The following NCALD variants were observed in gnomAD, a reference collection of about 807,000 sequenced individuals.
The protein encoded by NCALD is neurocalcin delta.
A neutral mutation model predicts 18.6 loss-of-function variants in NCALD; 10 were observed. That is an observed-to-expected ratio of 0.54 (90% CI 0.33 to 0.91). The LOEUF (loss-of-function observed/expected upper bound fraction) is 0.91, where lower values mean the gene tolerates loss of function less well. Among genes scored for constraint, NCALD ranks in the 40% least tolerant of loss-of-function variants. The probability of loss-of-function intolerance (pLI) is 0.03; values close to 1 mark genes in which losing one functional copy is unlikely to be tolerated. For missense variants in NCALD, 184 were observed against 247.6 expected, an observed-to-expected ratio of 0.74 and a Z score of 1.72; for synonymous variants, 88 against 87.4, an observed-to-expected ratio of 1.01 and a Z score of -0.04.
At chr8:101,957,196 C>A (rs1173969975) in intron 2 of NCALD, among the ~76,000 whole-genome samples, 1 of 148,662 alleles carries the variant, frequency 6.7e-6, no homozygotes, top group East Asian at 2.0e-4. Flanking sequence ...TATAAACATT[C>A]TATTTAGAGT....
intron 1 of NCALD, among the ~76,000 whole-genome samples, chr8:102,031,271 A>C (rs1417583113): frequency 6.6e-6 from 1 of 152,226 alleles, no homozygotes; most frequent in African/African-American, 2.4e-5. Flanking sequence ...GATAAACGAT[A>C]AGGAAAAATA....
At chr8:102,105,676 G>A (rs753950144) in intron 1 of NCALD, among the ~76,000 whole-genome samples, 2 of 152,122 alleles carry the variant, frequency 1.3e-5, no homozygotes, top group African/African-American at 4.8e-5. Context: ...CTCCATTCCC[G>A]ATTTTCCAGT....
At chr8:101,799,994 A>G (rs891749835) in intron 4 of NCALD, among the ~76,000 whole-genome samples, 1 of 152,208 alleles carries the variant, frequency 6.6e-6, no homozygotes, top group African/African-American at 2.4e-5. Flanking sequence ...TTATTTCAAG[A>G]TAAAAGTTTA....
chr8:101,716,166 G>T (rs566087696), intron 2 of NCALD, among the ~76,000 whole-genome samples: 1 of 152,144 alleles, frequency 6.6e-6, no homozygotes, highest in Non-Finnish European at 1.5e-5. Context: ...CATGTCCTTT[G>T]CTGGGACATG....
At chr8:101,976,521 A>G (rs577781830) in intron 2 of NCALD, among the ~76,000 whole-genome samples, 1 of 152,358 alleles carries the variant, frequency 6.6e-6, no homozygotes, top group South Asian at 2.1e-4. Flanking sequence ...TATCCAGGCT[A>G]GTTGTAGCAT....
chr8:102,082,219 GCTCT>G (rs1409597397), intron 1 of NCALD, among the ~76,000 whole-genome samples: 4 of 132,176 alleles, frequency 3.0e-5, no homozygotes, highest in African/African-American at 6.2e-5. Context: ...TATTTGAGAA[GCTCT>G]CTCTTTTTTT....
chr8:102,101,240 A>G (rs1178831426), intron 1 of NCALD, among the ~76,000 whole-genome samples: 1 of 152,250 alleles, frequency 6.6e-6, no homozygotes, highest in Non-Finnish European at 1.5e-5. Context: ...GCTGTCAGGC[A>G]GGAACTGGAC....
intron 2 of NCALD, among the ~76,000 whole-genome samples, chr8:102,002,479 G>C (rs1029463409): frequency 1.3e-5 from 2 of 152,138 alleles, no homozygotes; most frequent in African/African-American, 4.8e-5. Flanking sequence ...GAGACAGAAA[G>C]TTAACAAGGA....
At chr8:102,122,755 C>T (rs1431762038) in intron 1 of NCALD, among the ~76,000 whole-genome samples, 1 of 152,200 alleles carries the variant, frequency 6.6e-6, no homozygotes, top group Non-Finnish European at 1.5e-5. Context: ...GAGCTATTGA[C>T]GAATGAGCCA....
At chr8:101,891,271 C>G (rs1206058894) in intron 3 of NCALD, among the ~76,000 whole-genome samples, 1 of 152,162 alleles carries the variant, frequency 6.6e-6, no homozygotes, top group African/African-American at 2.4e-5. Context: ...TATACTCACC[C>G]CTTGTGCCCC....
chr8:102,068,518 A>G (rs1824081382), intron 1 of NCALD, among the ~76,000 whole-genome samples: 2 of 152,158 alleles, frequency 1.3e-5, no homozygotes, highest in Admixed American at 6.5e-5. Flanking sequence ...CTCAGGTGTC[A>G]GCCTAGAAAT....
intron 2 of NCALD, among the ~76,000 whole-genome samples, chr8:101,991,017 C>T (rs1821025892): frequency 6.6e-6 from 1 of 152,180 alleles, no homozygotes; most frequent in South Asian, 2.1e-4. Context: ...AAATATTCTG[C>T]TCCATCTTAG....
upstream of NCALD, among the ~76,000 whole-genome samples, chr8:101,791,396 T>C (rs1338965853): frequency 6.6e-6 from 1 of 152,170 alleles, no homozygotes; most frequent in African/African-American, 2.4e-5. Context: ...GTAGTTTTCT[T>C]AGCCAATTAA....
intron 1 of NCALD, among the ~76,000 whole-genome samples, chr8:102,032,237 A>G (rs1462026719): frequency 6.6e-6 from 1 of 152,200 alleles, no homozygotes; most frequent in East Asian, 1.9e-4. Flanking sequence ...AAGCCATATG[A>G]TTTGATGGCT....
chr8:101,815,877 A>C (rs1813476557), intron 4 of NCALD, among the ~76,000 whole-genome samples: 1 of 152,168 alleles, frequency 6.6e-6, no homozygotes, highest in South Asian at 2.1e-4. Context: ...ATAATTGCCA[A>C]AACTTGAAAC....
chr8:101,958,456 T>C (rs1334328629), intron 2 of NCALD, among the ~76,000 whole-genome samples: 1 of 152,130 alleles, frequency 6.6e-6, no homozygotes, highest in African/African-American at 2.4e-5. Flanking sequence ...GAAAACTCCT[T>C]GGAGTTCGTT....
At chr8:101,788,260 G>A (rs1346659572) in intron 1 of NCALD, among the ~76,000 whole-genome samples, 1 of 152,110 alleles carries the variant, frequency 6.6e-6, no homozygotes, top group Admixed American at 6.5e-5. Flanking sequence ...ACTCAGGGGT[G>A]GATAAAATTC....
chr8:101,838,376 A>C (rs990708934), intron 4 of NCALD, among the ~76,000 whole-genome samples: 12 of 151,970 alleles, frequency 7.9e-5, no homozygotes, highest in Non-Finnish European at 2.9e-5. Context: ...TGTGCACCAC[A>C]ATGCCCAGCT....
intron 4 of NCALD, among the ~76,000 whole-genome samples, chr8:101,801,779 G>A (rs1812874282): frequency 6.9e-6 from 1 of 144,874 alleles, no homozygotes; most frequent in South Asian, 2.3e-4. Context: ...CCATTCTCCT[G>A]CCTCAGCCTC....
Sources: gnomAD v4.1 joint callset for allele counts (sites outside exome capture counted in the v4.1 genomes callset) on GRCh38, gnomAD v4.1.1 for gene constraint, MANE v1.5 for transcripts, NCBI Gene and HGNC (gene_info 2026-07-23, HGNC 2026-07-21) for gene names.